PASK: variants seen among roughly 807,000 people sequenced by gnomAD.
The protein encoded by PASK is PAS domain containing serine/threonine kinase, also known as PAS domain-containing serine/threonine-protein kinase.
PASK carries 110 observed loss-of-function variants against 121.0 expected under a neutral mutation model. The observed-to-expected ratio is 0.91, with a 90% confidence interval of 0.78 to 1.06. The LOEUF (loss-of-function observed/expected upper bound fraction) is 1.06. PASK is among the 50% of genes least tolerant of loss of function. The pLI, the probability that PASK is intolerant of heterozygous loss-of-function variation, is 0.00. For missense variants in PASK, 1,643 were observed against 1,702.3 expected (o/e 0.97, Z 0.61); for synonymous variants, 686 against 717.8 (o/e 0.96, Z 0.71).
chr2:241,137,383 T>C, intron 6 of PASK, 119 bp from the exon 7 acceptor site: 1 of 810,352 alleles, frequency 1.2e-6, no homozygotes. Context: ...CCAGGACATC[T>C]CACACCCACA....
At chr2:241,150,206 T>G, upstream of PASK, 6 of 1,273,950 alleles carry the variant, frequency 4.7e-6, no homozygotes, top group Non-Finnish European at 5.9e-6. Flanking sequence ...TCCGTCTGCC[T>G]GCAGCTACGG....
intron 11 of PASK, among the ~76,000 whole-genome samples, chr2:241,123,290 C>T (rs2065705800): frequency 6.6e-6 from 1 of 151,882 alleles, no homozygotes; most frequent in Non-Finnish European, 1.5e-5. Flanking sequence ...ATTCTCCTGC[C>T]TCAGCCTCCC....
chr2:241,117,086 G>C (rs750870091), intron 12 of PASK, among the ~76,000 whole-genome samples: 1 of 151,622 alleles, frequency 6.6e-6, no homozygotes, highest in Non-Finnish European at 1.5e-5. Context: ...GAGGCGGGGG[G>C]CTGGGCAGGC....
At chr2:241,128,996 T>TGCCTCTCTCCCTCCATGTCTCCC (rs138856942) in intron 9 of PASK, among the ~76,000 whole-genome samples, 20 of 151,730 alleles carry the variant, frequency 1.3e-4, no homozygotes, top group African/African-American at 3.4e-4. Context: ...TGCGTCTGCC[T>TGCCTCTCTCCCTCCATGTCTCCC]GCCTCTCTCC....
At chr2:241,115,623 A>G (rs112871722) in intron 12 of PASK, among the ~76,000 whole-genome samples, 828 of 112,072 alleles carry the variant, frequency 7.4e-3, no homozygotes, top group African/African-American at 0.019. Flanking sequence ...AGGGACACCC[A>G]GTCCTCAAGC....
At chr2:241,120,845 A>G (rs537252418) in intron 12 of PASK, among the ~76,000 whole-genome samples, 1 of 152,356 alleles carries the variant, frequency 6.6e-6, no homozygotes, top group African/African-American at 2.4e-5. Context: ...AACTGAAAAC[A>G]TATGTTCACA....
intron 6 of PASK, among the ~76,000 whole-genome samples, chr2:241,137,710 C>T (rs2066505767): frequency 6.6e-6 from 1 of 152,210 alleles, no homozygotes; most frequent in Non-Finnish European, 1.5e-5. Flanking sequence ...AGCGTCCCAG[C>T]ATCCACCTCT....
chr2:241,140,855 A>G, intron 2 of PASK, 102 bp from the exon 3 acceptor site: 1 of 760,158 alleles, frequency 1.3e-6, no homozygotes, highest in Non-Finnish European at 2.4e-6. Context: ...ACTCCTGCAA[A>G]AAGATCTAAG....
Position 241,112,890 on chromosome 2 carries a change from G to A in PASK, c.3334-451C>T, listed in dbSNP as rs1201744450. ...CCAAGTCGATAACCTCAGCTCACAG[G>A]GAGGGAAAGTGACTTGCCCAGAGTT... On this transcript the variant is annotated intron_variant, in intron 14 of 17. Coordinates refer to ENST00000234040, the MANE Select transcript of PASK (RefSeq NM_015148.4). The surrounding 1 kb of genome is among the most constrained non-coding windows in gnomAD (Gnocchi z 5.2). 1 of 180,774 alleles carries A rather than the reference G, an allele frequency of 5.5e-6. No individual in the cohort carries two copies. The highest frequency in any genetic ancestry group is 1.2e-5 in the Non-Finnish European group (1 of 85,040). The allele number at this position is 180,774 out of a possible 1,614,324, so 11.2% of individuals were successfully genotyped here.
At position 241,112,278 on chromosome 2, in the gene PASK, G is replaced by C. The variant is rs1005581895; in HGVS notation, c.3495C>G (p.Thr1165=). Residue 1165 remains threonine (T), a synonymous_variant, in exon 15 of 18, where the codon ACC becomes ACG. Coordinates refer to ENST00000234040, the MANE Select transcript of PASK (RefSeq NM_015148.4). The surrounding 1 kb of genome is among the most constrained non-coding windows in gnomAD (Gnocchi z 5.2). The stretch of plus-strand genomic sequence containing the variant: ...GAACTTCCGGTGCACAGTACTCGAT[G>C]GTCCCACAAAAAGTATAAAATAATT... The part of the protein sequence containing the change: ...RGKLFYTFCG[T]IEYCAPEVLM... The C allele has an allele frequency of 4.3e-5, 70 of 1,613,658 alleles. No homozygotes were observed. Among genetic ancestry groups the C allele is most frequent in the Non-Finnish European group, 5.8e-5 (68 of 1,179,830 alleles).
intron 1 of PASK, among the ~76,000 whole-genome samples, chr2:241,144,789 TCCCCC>T (rs1181280927): frequency 1.3e-5 from 2 of 151,370 alleles, no homozygotes; most frequent in Admixed American, 1.3e-4. Flanking sequence ...CTCCAAGGAG[TCCCCC>T]CTCCTTGCCT....
rs369582470 is a variant in PASK, at chr2:241,108,534, A to C, written c.3534-234T>G. The C allele has an allele frequency of 1.7e-6, 1 of 585,764 alleles. No homozygotes were observed. The allele number at this position is 585,764 out of a possible 1,614,324, so 36.3% of individuals were successfully genotyped here. On this transcript the variant is annotated intron_variant, in intron 15 of 17. Transcript: ENST00000234040. The surrounding 1 kb of genome is among the most constrained non-coding windows in gnomAD (Gnocchi z 5.2). ...GAGGCCATCGGGCAGCTCCGAGGCT[A>C]ATCAGGAACTTCCTTGTGGACACCA...
intron 12 of PASK, chr2:241,119,055 C>A: frequency 1.9e-6 from 1 of 530,942 alleles, no homozygotes; most frequent in Non-Finnish European, 2.4e-6. Flanking sequence ...AGAGGCTGGA[C>A]AGAGGGAGGA....
chr2:241,146,318 T>C (rs1489141843), intron 1 of PASK, among the ~76,000 whole-genome samples: 1 of 152,234 alleles, frequency 6.6e-6, no homozygotes, highest in Non-Finnish European at 1.5e-5. Context: ...GAAACATTTG[T>C]CTATATGGAT....
chr2:241,128,018 G>A (rs192528890), intron 9 of PASK, among the ~76,000 whole-genome samples: 81 of 152,364 alleles, frequency 5.3e-4, no homozygotes, highest in Middle Eastern at 3.4e-3. Context: ...GGTGGCTCAC[G>A]CCTGTAATCC....
chr2:241,122,878 A>G lies in PASK; in HGVS notation c.2926T>C (p.Phe976Leu). The G allele has an allele frequency of 5.0e-6, 8 of 1,614,008 alleles. No homozygotes were observed. The highest frequency in any genetic ancestry group is 6.8e-6 in the Non-Finnish European group (8 of 1,179,898). Residue 976 changes from phenylalanine (F) to leucine (L), a missense_variant, in exon 12 of 18, where the codon TTT becomes CTT. This residue lies in a region of PASK where 453 missense variants were observed against 511.2 expected (regional missense o/e 0.89). Coordinates refer to ENST00000234040, the MANE Select transcript of PASK (RefSeq NM_015148.4). ...LVEVLRARPWFEEPPKAVELE... is the reference protein window; with the variant it reads ...LVEVLRARPWLEEPPKAVELE... ...TCCACAGCCTTGGGGGGCTCCTCAA[A>G]CCAGGGTCTGGCTCTGAGCACCTGC...
intron 12 of PASK, among the ~76,000 whole-genome samples, chr2:241,119,468 CTTTTTTTTTT>C (rs36113805): frequency 7.4e-6 from 1 of 134,256 alleles, no homozygotes; most frequent in Admixed American, 7.3e-5. Context: ...CAAGATGCTT[CTTTTTTTTTT>C]TTTTTTTGGA....
At chr2:241,106,985 G>A (rs2064912504) in intron 17 of PASK, among the ~76,000 whole-genome samples, 1 of 152,222 alleles carries the variant, frequency 6.6e-6, no homozygotes, top group Non-Finnish European at 1.5e-5. Context: ...GGCCCCGCCG[G>A]CTGCTAGAGA....
At chr2:241,139,059 T>C (rs1006573096) in intron 4 of PASK, among the ~76,000 whole-genome samples, 3 of 152,250 alleles carry the variant, frequency 2.0e-5, no homozygotes, top group Admixed American at 2.0e-4. Context: ...GCAGTATCTG[T>C]TATTTCTTAA....
Sources: allele counts gnomAD v4.1 joint callset (sites outside exome capture counted in the v4.1 genomes callset), GRCh38; gene constraint gnomAD v4.1.1; regional missense constraint gnomAD v4.1.1; non-coding constraint Gnocchi (gnomAD v3.1); transcripts MANE v1.5; gene names NCBI Gene and HGNC (gene_info 2026-07-23, HGNC 2026-07-21).